The following SUPT3H variants were observed in gnomAD, a reference collection of about 807,000 sequenced individuals.
SUPT3H encodes SPT3 homolog, SAGA and STAGA complex component.
In SUPT3H, 44 loss-of-function variants were observed where a neutral mutation model predicts 44.3. That is an observed-to-expected ratio of 0.99 (90% CI 0.78 to 1.28). The LOEUF (loss-of-function observed/expected upper bound fraction) is 1.28. SUPT3H is among the 50% of genes most tolerant of loss of function. The pLI is 0.00. For missense variants in SUPT3H, 380 were observed against 387.1 expected (o/e 0.98, Z 0.15); for synonymous variants, 124 against 125.6 (o/e 0.99, Z 0.09).
chr6:45,134,183 TG>T (rs1803914607), intron 2 of SUPT3H, among the ~76,000 whole-genome samples: 1 of 152,100 alleles, frequency 6.6e-6, no homozygotes, highest in South Asian at 2.1e-4. Flanking sequence ...TGGCAAAAGG[TG>T]AAAGGGCAAG....
intron 2 of SUPT3H, among the ~76,000 whole-genome samples, chr6:45,311,615 C>A (rs1449032108): frequency 6.6e-6 from 1 of 152,188 alleles, no homozygotes; most frequent in Non-Finnish European, 1.5e-5. Context: ...CAGCAGATTT[C>A]TGAGCAGAAA....
intron 10 of SUPT3H, among the ~76,000 whole-genome samples, chr6:44,916,423 C>T (rs983212017): frequency 6.6e-6 from 1 of 152,128 alleles, no homozygotes; most frequent in African/African-American, 2.4e-5. Context: ...GTCAGTAATG[C>T]CATGGACACT....
At chr6:44,862,165 T>C (rs532622025) in intron 10 of SUPT3H, among the ~76,000 whole-genome samples, 3 of 152,206 alleles carry the variant, frequency 2.0e-5, no homozygotes, top group East Asian at 3.9e-4. Context: ...AACCTGACAA[T>C]GCAGTGCTGT....
chr6:44,968,309 G>A (rs946901934), intron 6 of SUPT3H, among the ~76,000 whole-genome samples: 1 of 152,198 alleles, frequency 6.6e-6, no homozygotes, highest in Admixed American at 6.5e-5. Context: ...ATTATGAAAT[G>A]TGTATGCATG....
intron 2 of SUPT3H, chr6:45,328,199 T>C: frequency 9.2e-7 from 1 of 1,085,906 alleles, no homozygotes. Context: ...AAAGCCACAG[T>C]GGTAGGCAGT....
At chr6:44,958,520 C>T (rs1316367049) in intron 7 of SUPT3H, among the ~76,000 whole-genome samples, 1 of 152,128 alleles carries the variant, frequency 6.6e-6, no homozygotes, top group Admixed American at 6.5e-5. Flanking sequence ...TTCCTTATTC[C>T]TTTCCTTTAT....
chr6:44,904,236 T>C (rs528186194), intron 10 of SUPT3H, among the ~76,000 whole-genome samples: 31 of 152,326 alleles, frequency 2.0e-4, no homozygotes, highest in African/African-American at 7.5e-4. Flanking sequence ...ATTGTCCCTG[T>C]CTGCAGATGA....
intron 2 of SUPT3H, among the ~76,000 whole-genome samples, chr6:45,294,653 A>G (rs906214780): frequency 1.4e-5 from 2 of 144,924 alleles, no homozygotes; most frequent in African/African-American, 5.1e-5. Flanking sequence ...ATTATTGTAC[A>G]CTAATCAGCA....
At chr6:45,368,500 A>G (rs2150295902) in intron 1 of SUPT3H, among the ~76,000 whole-genome samples, 1 of 152,302 alleles carries the variant, frequency 6.6e-6, no homozygotes, top group East Asian at 1.9e-4. Flanking sequence ...AATGCACTGA[A>G]CATGCTACTG....
chr6:45,222,719 T>C (rs1357313698), intron 2 of SUPT3H, among the ~76,000 whole-genome samples: 2 of 150,396 alleles, frequency 1.3e-5, no homozygotes, highest in Non-Finnish European at 3.0e-5. Context: ...AATGAAAACA[T>C]GTGTTCACGC....
chr6:45,115,452 A>C (rs1402931784), intron 2 of SUPT3H, among the ~76,000 whole-genome samples: 1 of 152,190 alleles, frequency 6.6e-6, no homozygotes, highest in Non-Finnish European at 1.5e-5. Context: ...TTTGCAATAC[A>C]TGTTACCATA....
At chr6:44,846,429 T>C (rs2153418689) in intron 10 of SUPT3H, among the ~76,000 whole-genome samples, 2 of 152,104 alleles carry the variant, frequency 1.3e-5, no homozygotes, top group South Asian at 4.2e-4. Flanking sequence ...AACCTTACAG[T>C]TGAAGGGAGG....
chr6:44,870,165 C>T (rs1289036227), intron 10 of SUPT3H, among the ~76,000 whole-genome samples: 7 of 152,130 alleles, frequency 4.6e-5, no homozygotes, highest in Non-Finnish European at 1.0e-4. Context: ...CAACAACTAA[C>T]AAGTTATAAA....
At chr6:44,853,249 T>C (rs1773186624) in intron 10 of SUPT3H, among the ~76,000 whole-genome samples, 1 of 152,206 alleles carries the variant, frequency 6.6e-6, no homozygotes, top group African/African-American at 2.4e-5. Flanking sequence ...TGGAGAGTCA[T>C]GATGTGAACC....
At chr6:44,924,246 T>TAGC (rs1295687407) in intron 10 of SUPT3H, among the ~76,000 whole-genome samples, 3 of 152,076 alleles carry the variant, frequency 2.0e-5, no homozygotes, top group African/African-American at 7.2e-5. Context: ...CAGGCCTGTA[T>TAGC]AGCACATTAT....
At chr6:44,884,246 G>A (rs1222959606) in intron 10 of SUPT3H, among the ~76,000 whole-genome samples, 10 of 151,940 alleles carry the variant, frequency 6.6e-5, no homozygotes, top group Admixed American at 1.3e-4. Flanking sequence ...GCCAACAAAC[G>A]TGAAAAAAAG....
intron 2 of SUPT3H, among the ~76,000 whole-genome samples, chr6:45,350,591 G>C (rs573906617): frequency 3.9e-5 from 6 of 152,042 alleles, no homozygotes; most frequent in Non-Finnish European, 8.8e-5. Flanking sequence ...AGAAATGAGA[G>C]GGAAAAATAG....
chr6:45,072,348 G>A (rs111602779), intron 3 of SUPT3H, among the ~76,000 whole-genome samples: 34 of 152,292 alleles, frequency 2.2e-4, no homozygotes, highest in African/African-American at 7.9e-4. Flanking sequence ...TCTTTTCAGT[G>A]CCACTCAAAA....
chr6:45,330,661 A>G (rs1440222892), intron 2 of SUPT3H, among the ~76,000 whole-genome samples: 1 of 151,964 alleles, frequency 6.6e-6, no homozygotes, highest in Non-Finnish European at 1.5e-5. Context: ...AACATTCTTA[A>G]TAACTATTCA....
Sources: allele counts gnomAD v4.1 joint callset (sites outside exome capture counted in the v4.1 genomes callset), GRCh38; gene constraint gnomAD v4.1.1; transcripts MANE v1.5; gene names NCBI Gene and HGNC (gene_info 2026-07-23, HGNC 2026-07-21).